The following PLLP variants were observed in gnomAD, a reference collection of about 807,000 sequenced individuals.
PLLP encodes the protein plasmolipin.
PLLP carries 15 observed loss-of-function variants against 19.7 expected under a neutral mutation model. That is an observed-to-expected ratio of 0.76 (90% CI 0.51 to 1.17). PLLP has a LOEUF of 1.17. Among genes scored for constraint, PLLP ranks in the 50% most tolerant of loss-of-function variants. The pLI is 0.00. For missense variants in PLLP, 255 were observed against 258.3 expected, an observed-to-expected ratio of 0.99 and a Z score of 0.09; for synonymous variants, 111 against 116.3, an observed-to-expected ratio of 0.95 and a Z score of 0.29.
At position 57,256,585 on chromosome 16, in the gene PLLP, G is replaced by C. The variant is rs2075425964; in HGVS notation, c.*328C>G. On this transcript the variant is annotated 3_prime_UTR_variant, in exon 4 of 4. Coordinates refer to ENST00000219207, the MANE Select transcript of PLLP (RefSeq NM_015993.3). Reference sequence around the variant, plus strand: ...AGTCCTTGTTAGTGCATTTAGTGCTGGTGAGAAGGGTGGGCCCCAGTCTTG... The same window carrying C: ...AGTCCTTGTTAGTGCATTTAGTGCTCGTGAGAAGGGTGGGCCCCAGTCTTG... 1 of 314,442 alleles carries C rather than the reference G, an allele frequency of 3.2e-6. No homozygotes were observed. The highest frequency in any genetic ancestry group is 6.0e-6 in the Non-Finnish European group (1 of 167,990). 19.5% of individuals were successfully genotyped at this position (314,442 alleles called of 1,614,324 possible). A position where few individuals can be genotyped will look rare whatever the true frequency, so the allele number is the denominator to read the frequency against.
intron 1 of PLLP, among the ~76,000 whole-genome samples, chr16:57,271,236 G>A (rs971575201): frequency 6.6e-6 from 1 of 152,062 alleles, no homozygotes; most frequent in Non-Finnish European, 1.5e-5. Flanking sequence ...CCCCCAGCAA[G>A]GTCCTGCAGC....
intron 2 of PLLP, among the ~76,000 whole-genome samples, chr16:57,259,975 T>TAAAAA (rs574093513): frequency 8.9e-6 from 1 of 112,442 alleles, no homozygotes; most frequent in African/African-American, 3.3e-5. Flanking sequence ...GGACTTTGTC[T>TAAAAA]AAAAAAAAAA....
chr16:57,275,372 T>A (rs1439287384), intron 1 of PLLP, among the ~76,000 whole-genome samples: 1 of 152,132 alleles, frequency 6.6e-6, no homozygotes, highest in East Asian at 1.9e-4. Flanking sequence ...GATGAACTTG[T>A]ATATATCACA....
chr16:57,269,102 A>C (rs1328590888), intron 1 of PLLP, among the ~76,000 whole-genome samples: 1 of 152,160 alleles, frequency 6.6e-6, no homozygotes, highest in Non-Finnish European at 1.5e-5. Context: ...AGCTCCTCAT[A>C]GGCTGAGGGG....
Position 57,257,061 on chromosome 16 carries a change from G to C in PLLP, c.433-32C>G, listed in dbSNP as rs564811660. 8 of 1,484,504 alleles carry C rather than the reference G, an allele frequency of 5.4e-6. No individual in the cohort carries two copies. The South Asian group carries it at 5.7e-5, about 10-fold the overall frequency. The allele number at this position is 1,484,504 out of a possible 1,614,324, so 92.0% of individuals were successfully genotyped here. On this transcript the variant is annotated intron_variant, in intron 3 of 3. Coordinates refer to ENST00000219207, the MANE Select transcript of PLLP (RefSeq NM_015993.3). ...GAGAGGTGAGAAGGGCTTAAGGACC[G>C]AGAGGGTGACAGTGACACAAGCTCC...
chr16:57,262,877 C>T (rs1180611115), intron 1 of PLLP, among the ~76,000 whole-genome samples: 3 of 152,134 alleles, frequency 2.0e-5, no homozygotes, highest in Non-Finnish European at 4.4e-5. Context: ...CGCCTCCAGC[C>T]GGCATCCCAG....
intron 1 of PLLP, among the ~76,000 whole-genome samples, chr16:57,283,266 A>G (rs1416370628): frequency 1.3e-5 from 2 of 151,642 alleles, no homozygotes; most frequent in African/African-American, 4.9e-5. Flanking sequence ...GAGGTTGGGG[A>G]GGGGGCCCAC....
chr16:57,283,102 A>AC (rs1451150680), intron 1 of PLLP, among the ~76,000 whole-genome samples: 16 of 151,248 alleles, frequency 1.1e-4, no homozygotes, highest in African/African-American at 3.9e-4. Context: ...CTTCTCCCCC[A>AC]CCCCCCAAAA....
At chr16:57,271,501 T>G (rs1160212148) in intron 1 of PLLP, among the ~76,000 whole-genome samples, 1 of 151,896 alleles carries the variant, frequency 6.6e-6, no homozygotes, top group African/African-American at 2.4e-5. Flanking sequence ...AAAAGTTAGC[T>G]GGGCGTGGTG....
intron 1 of PLLP, among the ~76,000 whole-genome samples, chr16:57,275,454 G>A (rs1279286242): frequency 6.6e-6 from 1 of 151,976 alleles, no homozygotes; most frequent in Non-Finnish European, 1.5e-5. Context: ...TGTCACAATA[G>A]AAGCTAACAA....
intron 3 of PLLP, among the ~76,000 whole-genome samples, chr16:57,257,808 G>C (rs1196908813): frequency 2.0e-5 from 3 of 152,232 alleles, no homozygotes; most frequent in African/African-American, 7.2e-5. Context: ...GTCAGTGGGA[G>C]AGCATGTTTT....
In PLLP at chr16:57,280,839, C is replaced by G. The variant is rs1901210732; in HGVS notation, c.135+3567G>C. ...GATAGTGATAAATCAATGAACACCACCAGACATCTGTGAAGAATACTGAGA... is the reference window on the plus strand; with the variant it reads ...GATAGTGATAAATCAATGAACACCAGCAGACATCTGTGAAGAATACTGAGA... On this transcript the variant is annotated intron_variant, in intron 1 of 3. Coordinates refer to ENST00000219207, the MANE Select transcript of PLLP (RefSeq NM_015993.3). Among the ~76,000 whole-genome samples, 3 of 152,316 alleles carry G rather than the reference C, an allele frequency of 2.0e-5. No homozygotes were observed. In the South Asian group the frequency reaches 6.2e-4, roughly 32 times the overall value.
intron 1 of PLLP, among the ~76,000 whole-genome samples, chr16:57,276,049 A>G (rs1430481322): frequency 6.6e-6 from 1 of 152,196 alleles, no homozygotes. Flanking sequence ...CGGAGGTTGC[A>G]GTGATTCCTG....
chr16:57,272,683 G>A (rs1259839082), intron 1 of PLLP, among the ~76,000 whole-genome samples: 2 of 152,168 alleles, frequency 1.3e-5, no homozygotes, highest in African/African-American at 4.8e-5. Flanking sequence ...AGAGCACAGT[G>A]GCTCATACCT....
At chr16:57,276,422 T>C (rs1054641452) in intron 1 of PLLP, among the ~76,000 whole-genome samples, 8 of 151,872 alleles carry the variant, frequency 5.3e-5, no homozygotes, top group Non-Finnish European at 1.0e-4. Context: ...CCAAACCCCG[T>C]CTCTACTAAA....
intron 1 of PLLP, among the ~76,000 whole-genome samples, chr16:57,270,630 G>A (rs1447110957): frequency 6.6e-6 from 1 of 152,086 alleles, no homozygotes; most frequent in Non-Finnish European, 1.5e-5. Flanking sequence ...GCCACCCATT[G>A]TATCACACGA....
At chr16:57,283,108 C>A (rs7197160) in intron 1 of PLLP, among the ~76,000 whole-genome samples, 53 of 152,038 alleles carry the variant, frequency 3.5e-4, no homozygotes, top group African/African-American at 1.2e-3. Context: ...CCCCACCCCC[C>A]AAAAGAGAAA....
chr16:57,260,179 C>A (rs1451129630), intron 2 of PLLP, among the ~76,000 whole-genome samples: 1 of 152,106 alleles, frequency 6.6e-6, no homozygotes, highest in Non-Finnish European at 1.5e-5. Flanking sequence ...GCCAGAAAAT[C>A]CCAAATTGGC....
At chr16:57,279,621 G>C (rs1744948537) in intron 1 of PLLP, among the ~76,000 whole-genome samples, 1 of 151,582 alleles carries the variant, frequency 6.6e-6, no homozygotes, top group South Asian at 2.1e-4. Context: ...GTTGCAGTGA[G>C]CTGTGATCAC....
Sources: gnomAD v4.1 joint callset for allele counts (sites outside exome capture counted in the v4.1 genomes callset) on GRCh38, gnomAD v4.1.1 for gene constraint, MANE v1.5 for transcripts, NCBI Gene and HGNC (gene_info 2026-07-23, HGNC 2026-07-21) for gene names.